The following KIAA0232 variants were observed in gnomAD, a reference collection of about 807,000 sequenced individuals.
KIAA0232 encodes the protein uncharacterized protein KIAA0232.
KIAA0232 carries 27 observed loss-of-function variants against 122.0 expected under a neutral mutation model. That is an observed-to-expected ratio of 0.22 (90% CI 0.16 to 0.31). The LOEUF is 0.31. Among genes scored for constraint, KIAA0232 ranks in the 10% least tolerant of loss-of-function variants. The pLI, the probability that KIAA0232 is intolerant of heterozygous loss-of-function variation, is 1.00. For missense variants in KIAA0232, 1,551 were observed against 1,634.2 expected (o/e 0.95, Z 0.88); for synonymous variants, 613 against 587.6 (o/e 1.04, Z -0.63).
intron 1 of KIAA0232, among the ~76,000 whole-genome samples, chr4:6,804,100 T>C (rs1035198257): frequency 6.6e-6 from 1 of 152,262 alleles, no homozygotes; most frequent in African/African-American, 2.4e-5. Context: ...TTCCATAAGA[T>C]AAACATCACA....
rs1250176968 is a variant in KIAA0232, at chr4:6,880,182, G to A, written c.4009-605G>A. On this transcript the variant is annotated intron_variant, in intron 9 of 9. Coordinates refer to ENST00000307659, the MANE Select transcript of KIAA0232 (RefSeq NM_014743.3). ...CTGCAAACTCCCTTCCCAACACAGA[G>A]GTCTGCAGTGTCCCCTCACCATCTG... is the stretch of plus-strand genomic sequence containing the variant. Among the ~76,000 whole-genome samples, 5 of 57,976 alleles carry A rather than the reference G, an allele frequency of 8.6e-5. No individual in the cohort carries two copies. The East Asian group carries it at 1.4e-3, about 16-fold the overall frequency. 38.0% of individuals were successfully genotyped at this position (57,976 alleles called of 152,430 possible). A position where few individuals can be genotyped will look rare whatever the true frequency, so the allele number is the denominator to read the frequency against.
intron 1 of KIAA0232, among the ~76,000 whole-genome samples, chr4:6,800,553 C>T (rs1251077055): frequency 2.0e-5 from 3 of 151,698 alleles, no homozygotes; most frequent in South Asian, 2.1e-4. Flanking sequence ...TGGTGGTATG[C>T]ACCTGTAATC....
intron 1 of KIAA0232, among the ~76,000 whole-genome samples, chr4:6,801,200 A>G (rs970661379): frequency 6.6e-6 from 1 of 152,212 alleles, no homozygotes; most frequent in African/African-American, 2.4e-5. Context: ...ACATGGGGCT[A>G]TTAACACTGG....
chr4:6,845,443 G>A (rs902939246), intron 4 of KIAA0232, among the ~76,000 whole-genome samples: 5 of 152,058 alleles, frequency 3.3e-5, no homozygotes, highest in African/African-American at 7.2e-5. Context: ...ACATCCTCCC[G>A]CGTCGGCCTC....
chr4:6,863,667 A>G lies in KIAA0232; in HGVS notation c.3285A>G (p.Thr1095=). 1 of 1,614,216 alleles carries G rather than the reference A, an allele frequency of 6.2e-7. No individual in the cohort carries two copies. Among genetic ancestry groups the G allele is most frequent in the Middle Eastern group, 1.6e-4 (1 of 6,062 alleles). Reference sequence around the variant, plus strand: ...CCAGGATATGTGGTGTTGACAGAACACAATACAGGGCTATTCGGATCTCTC... The same window carrying G: ...CCAGGATATGTGGTGTTGACAGAACGCAATACAGGGCTATTCGGATCTCTC... ...FHPRICGVDR[T]QYRAIRISPR... Residue 1095 remains threonine (T), a synonymous_variant, in exon 7 of 10, where the codon ACA becomes ACG. Transcript: ENST00000307659.
Position 6,862,366 on chromosome 4 carries a change from T to C in KIAA0232, c.1984T>C (p.Phe662Leu). Residue 662 changes from phenylalanine to leucine, a missense_variant, in exon 7 of 10, where the codon TTT becomes CTT. Coordinates refer to ENST00000307659, the MANE Select transcript of KIAA0232 (RefSeq NM_014743.3). ...GCAATGCAGTAATTCTGTTTTACCA[T>C]TTTCTTTTGAAACACTCAACTTGGG... ...EVQCSNSVLP[F>L]SFETLNLGNE... The C allele has an allele frequency of 6.2e-7, 1 of 1,614,150 alleles. No homozygotes were observed. Among genetic ancestry groups the C allele is most frequent in the Non-Finnish European group, 8.5e-7 (1 of 1,180,018 alleles).
rs1378512516 is a variant in KIAA0232, at chr4:6,804,674, A to G, written c.-270+68A>G. 2.6e-5 allele frequency: 4 copies of G among 152,358 alleles called. No homozygotes were observed. In the East Asian group the frequency reaches 7.7e-4, roughly 29 times the overall value. The allele number at this position is 152,358 out of a possible 1,614,324, so 9.4% of individuals were successfully genotyped here. On this transcript the variant is annotated intron_variant, in intron 2 of 9. Coordinates refer to ENST00000307659, the MANE Select transcript of KIAA0232 (RefSeq NM_014743.3). ...TTTCTGATACCATATAAAAGGGAAT[A>G]CTAATTGATTTACTGTATAGAATAG... is the stretch of plus-strand genomic sequence containing the variant.
intron 2 of KIAA0232, among the ~76,000 whole-genome samples, chr4:6,817,792 CTTGT>C (rs1363668916): frequency 1.3e-5 from 2 of 151,944 alleles, no homozygotes; most frequent in African/African-American, 4.8e-5. Context: ...TAATTGTGGA[CTTGT>C]TTATTTATCT....
chr4:6,876,215 C>T (rs1721743939), intron 8 of KIAA0232, among the ~76,000 whole-genome samples: 2 of 152,190 alleles, frequency 1.3e-5, no homozygotes, highest in South Asian at 4.1e-4. Context: ...CCATTGCGTT[C>T]CCTTCTGTCT....
intron 4 of KIAA0232, among the ~76,000 whole-genome samples, chr4:6,856,226 G>A (rs1488016312): frequency 6.6e-6 from 1 of 152,172 alleles, no homozygotes; most frequent in Non-Finnish European, 1.5e-5. Context: ...AAGGCCTAGT[G>A]AGGGCACTGG....
chr4:6,808,688 T>C (rs1717746893), intron 2 of KIAA0232, among the ~76,000 whole-genome samples: 2 of 151,982 alleles, frequency 1.3e-5, no homozygotes, highest in South Asian at 2.1e-4. Flanking sequence ...AAAATTCCTA[T>C]GTTAGTTAGT....
chr4:6,821,181 G>T (rs1718403438), intron 2 of KIAA0232, among the ~76,000 whole-genome samples: 1 of 152,134 alleles, frequency 6.6e-6, no homozygotes, highest in South Asian at 2.1e-4. Flanking sequence ...GAAAGCATTT[G>T]TTTCACTTTC....
Position 6,861,618 on chromosome 4 carries a change from T to C in KIAA0232, c.1236T>C (p.Val412=), listed in dbSNP as rs1216627476. 4.3e-6 allele frequency: 7 copies of C among 1,613,902 alleles called. No individual in the cohort carries two copies. Among genetic ancestry groups the C allele is most frequent in the Non-Finnish European group, 5.1e-6 (6 of 1,180,020 alleles). ...WYTEPIAEYF[V]PLSRKSKLET... The stretch of plus-strand genomic sequence containing the variant: ...CCGAGCCAATTGCTGAATATTTTGT[T>C]CCTCTGAGCAGAAAAAGTAAACTAG... The change falls in exon 7 of 10, where the codon GTT becomes GTC. Residue 412 remains valine (V), a synonymous_variant. Coordinates refer to ENST00000307659, the MANE Select transcript of KIAA0232 (RefSeq NM_014743.3).
At chr4:6,810,774 A>G (rs1717841323) in intron 2 of KIAA0232, among the ~76,000 whole-genome samples, 2 of 152,214 alleles carry the variant, frequency 1.3e-5, no homozygotes, top group Admixed American at 6.5e-5. Context: ...GGGCAAAGAC[A>G]TGAATAGACT....
At chr4:6,815,963 C>T (rs968440135) in intron 2 of KIAA0232, among the ~76,000 whole-genome samples, 5 of 152,208 alleles carry the variant, frequency 3.3e-5, no homozygotes, top group South Asian at 2.1e-4. Flanking sequence ...AACTCTCTAT[C>T]GACAACAAAA....
intron 1 of KIAA0232, among the ~76,000 whole-genome samples, chr4:6,784,056 C>G (rs1304286214): frequency 6.6e-6 from 1 of 152,022 alleles, no homozygotes; most frequent in Non-Finnish European, 1.5e-5. Flanking sequence ...TTTTTGCCAC[C>G]TTTCCGTTTT....
chr4:6,810,567 A>C (rs575623294), intron 2 of KIAA0232, among the ~76,000 whole-genome samples: 30 of 152,306 alleles, frequency 2.0e-4, no homozygotes, highest in African/African-American at 7.0e-4. Flanking sequence ...ACTAAAACAG[A>C]AATAGACAAA....
chr4:6,839,235 C>A (rs1170906925), intron 3 of KIAA0232, among the ~76,000 whole-genome samples: 1 of 152,118 alleles, frequency 6.6e-6, no homozygotes, highest in Non-Finnish European at 1.5e-5. Context: ...AATTTTTTCC[C>A]ATCACCGTCA....
At position 6,809,598 on chromosome 4, in the gene KIAA0232, G is replaced by C. The variant is rs183224577; in HGVS notation, c.-270+4992G>C. On this transcript the variant is annotated intron_variant, in intron 2 of 9. Coordinates refer to ENST00000307659, the MANE Select transcript of KIAA0232 (RefSeq NM_014743.3). ...AGTAAGAGAAATTAAGCAAGAGAAAGAAATAAAAGGCATCCAAATTAGAAA... is the reference window on the plus strand; with the variant it reads ...AGTAAGAGAAATTAAGCAAGAGAAACAAATAAAAGGCATCCAAATTAGAAA... 4.7e-3 allele frequency among the ~76,000 whole-genome samples: 717 copies of C among 152,054 alleles called. 3 individuals carry two copies. The highest frequency in any genetic ancestry group is 7.3e-3 in the Non-Finnish European group (498 of 67,972).
Sources: gnomAD v4.1 joint callset for allele counts (sites outside exome capture counted in the v4.1 genomes callset) on GRCh38, gnomAD v4.1.1 for gene constraint, MANE v1.5 for transcripts, NCBI Gene and HGNC (gene_info 2026-07-23, HGNC 2026-07-21) for gene names.